The following PTPRH variants were observed in gnomAD, a reference collection of about 807,000 sequenced individuals.
The protein encoded by PTPRH is receptor-type tyrosine-protein phosphatase H.
A neutral mutation model predicts 130.2 loss-of-function variants in PTPRH; 113 were observed. The observed-to-expected ratio is 0.87, with a 90% CI of 0.75 to 1.01. The LOEUF (loss-of-function observed/expected upper bound fraction) is 1.01. Ranked by LOEUF, PTPRH falls within the 50% of genes least tolerant of loss-of-function variation. The pLI, the probability that PTPRH is intolerant of heterozygous loss-of-function variation, is 0.00. For synonymous variants in PTPRH, 556 were observed against 577.9 expected (o/e 0.96, Z 0.54); for missense variants, 1,430 against 1,425.0 (o/e 1.00, Z -0.06).
At chr19:55,183,916 C>G (rs1339648486) in intron 18 of PTPRH, among the ~76,000 whole-genome samples, 1 of 152,142 alleles carries the variant, frequency 6.6e-6, no homozygotes, top group Admixed American at 6.6e-5. Flanking sequence ...GTCTCTGTTG[C>G]TTTGGCTGAT....
chr19:55,205,269 T>A, intron 4 of PTPRH, 57 bp downstream of exon 4: 1 of 1,603,774 alleles, frequency 6.2e-7, no homozygotes. Flanking sequence ...CGCTACGTTC[T>A]CCTGCCTACT....
At chr19:55,203,478 C>T (rs560049338) in intron 5 of PTPRH, among the ~76,000 whole-genome samples, 4 of 151,200 alleles carry the variant, frequency 2.6e-5, no homozygotes, top group Admixed American at 6.6e-5. Context: ...TGCAGCAGTC[C>T]AATCAGAGCT....
intron 13 of PTPRH, 123 bp from the exon 14 acceptor site, chr19:55,187,726 T>A: frequency 2.8e-6 from 2 of 710,180 alleles, no homozygotes; most frequent in South Asian, 3.2e-5. Flanking sequence ...ACCCTGAGAT[T>A]ATATGGCACC....
At position 55,197,492 on chromosome 19, in the gene PTPRH, C is replaced by A. The variant is rs566668830; in HGVS notation, c.1691-76G>T. ...CCCCAGCCTGTCTGCCTCTCCCCCA[C>A]AGCAAAGCTGAGATATCCATTATTG... On this transcript the variant is annotated intron_variant, in intron 8 of 19. Transcript: ENST00000376350. The A allele has an allele frequency of 6.5e-6, 9 of 1,384,356 alleles. No homozygotes were observed. The African/African-American group carries it at 1.3e-4, about 20-fold the overall frequency. The allele number at this position is 1,384,356 out of a possible 1,614,324, so 85.8% of individuals were successfully genotyped here.
intron 10 of PTPRH, among the ~76,000 whole-genome samples, chr19:55,195,974 G>C (rs533047534): frequency 6.6e-6 from 1 of 152,132 alleles, no homozygotes; most frequent in Admixed American, 6.6e-5. Flanking sequence ...GGAGAACTAG[G>C]GGGTGGTGGC....
chr19:55,206,334 T>C (rs564819015), intron 3 of PTPRH, among the ~76,000 whole-genome samples: 2 of 151,766 alleles, frequency 1.3e-5, no homozygotes, highest in South Asian at 4.2e-4. Flanking sequence ...TTTTCTTTTT[T>C]TTTTTTTGAG....
At chr19:55,207,550 G>A (rs1437550886) in intron 1 of PTPRH, among the ~76,000 whole-genome samples, 1 of 152,202 alleles carries the variant, frequency 6.6e-6, no homozygotes, top group African/African-American at 2.4e-5. Context: ...TGGGGATCAG[G>A]AACCTTGGCC....
rs752762523 is a variant in PTPRH, at chr19:55,196,980, T to C, written c.1990+137A>G. The C allele has an allele frequency of 4.4e-4, 541 of 1,240,940 alleles. 1 individual carries two copies. The highest frequency in any genetic ancestry group is 5.8e-4 in the Non-Finnish European group (514 of 893,374). The allele number at this position is 1,240,940 out of a possible 1,614,324, so 76.9% of individuals were successfully genotyped here. On this transcript the variant is annotated intron_variant, in intron 9 of 19. Transcript: ENST00000376350. ...TTTAAACTACAACTCCCATGAGGCCTTGGGCTCCTCCATCACTGCAGCTCA... is the reference window on the plus strand; with the variant it reads ...TTTAAACTACAACTCCCATGAGGCCCTGGGCTCCTCCATCACTGCAGCTCA...
At position 55,205,586 on chromosome 19, in the gene PTPRH, T is replaced by G. The variant is rs1757540814; in HGVS notation, c.359A>C (p.Asn120Thr). The change falls in exon 4 of 20, where the codon AAC becomes ACC. Residue 120 changes from asparagine to threonine, a missense_variant. Coordinates refer to ENST00000376350, the MANE Select transcript of PTPRH (RefSeq NM_002842.5). ...VGTVTTATAP[N>T]PVRNLRVEAQ... Reference sequence around the variant, plus strand: ...CTCCACTCTCAGGTTCCTCACTGGGTTGGGAGCTGAAAACCAGCACAGGAG... The same window carrying G: ...CTCCACTCTCAGGTTCCTCACTGGGGTGGGAGCTGAAAACCAGCACAGGAG... 6.2e-7 allele frequency: 1 copy of G among 1,613,894 alleles called. No homozygotes were observed. Among genetic ancestry groups the G allele is most frequent in the South Asian group, 1.1e-5 (1 of 91,060 alleles).
chr19:55,200,815 T>C (rs966898061), intron 6 of PTPRH, among the ~76,000 whole-genome samples: 14 of 152,064 alleles, frequency 9.2e-5, no homozygotes, highest in South Asian at 2.1e-4. Flanking sequence ...TGGTGGCTGG[T>C]GCCTGTAGTC....
intron 10 of PTPRH, 143 bp from the exon 11 acceptor site, chr19:55,191,884 C>T (rs368777935): frequency 3.7e-5 from 29 of 778,858 alleles, no homozygotes; most frequent in Admixed American, 9.5e-5. Flanking sequence ...TGAATTGCGT[C>T]GGTCCAGTTA....
chr19:55,202,283 G>A lies in PTPRH; in HGVS notation c.926C>T (p.Thr309Ile). The change falls in exon 6 of 20, where the codon ACC (threonine) becomes ATC (isoleucine). Residue 309 changes from threonine (T) to isoleucine (I), a missense_variant. By Grantham distance (89) the Thr-to-Ile change is moderately conservative. Transcript: ENST00000376350. ...CCAGGTCAGGGCGATGGAGCTGTTG[G>A]TCTGAGCCTCCACTGTCAGGTTTCT... is the stretch of plus-strand genomic sequence containing the variant. The part of the protein sequence containing the change: ...PVRNLTVEAQ[T>I]NSSIALTWEV... 1 of 1,614,210 alleles carries A rather than the reference G, an allele frequency of 6.2e-7. No homozygotes were observed. The highest frequency in any genetic ancestry group is 2.2e-5 in the East Asian group (1 of 44,882).
At chr19:55,195,694 C>A (rs1379898232) in intron 10 of PTPRH, among the ~76,000 whole-genome samples, 1 of 152,152 alleles carries the variant, frequency 6.6e-6, no homozygotes. Context: ...CTGACTCAGC[C>A]TCCTGAGTAG....
intron 5 of PTPRH, among the ~76,000 whole-genome samples, chr19:55,203,371 A>C (rs1237511791): frequency 4.1e-5 from 6 of 147,856 alleles, no homozygotes; most frequent in East Asian, 2.0e-4. Context: ...TACATAAAAT[A>C]TCTCATAGTA....
chr19:55,201,293 C>G (rs892972081), intron 6 of PTPRH, among the ~76,000 whole-genome samples: 1 of 152,118 alleles, frequency 6.6e-6, no homozygotes, highest in Non-Finnish European at 1.5e-5. Context: ...CGGCGGATTG[C>G]TTCAGCCCAG....
chr19:55,193,204 G>A (rs189689977), intron 10 of PTPRH, among the ~76,000 whole-genome samples: 1 of 151,524 alleles, frequency 6.6e-6, no homozygotes, highest in Non-Finnish European at 1.5e-5. Context: ...CTCCAGACTG[G>A]GTGATAGAGT....
chr19:55,188,284 G>A (rs552011024), intron 12 of PTPRH, 116 bp from the exon 13 acceptor site: 115 of 766,836 alleles, frequency 1.5e-4, no homozygotes, highest in South Asian at 1.0e-3. Flanking sequence ...AGGCCGAGGC[G>A]GGTGGATCAC....
rs746336084 is a variant in PTPRH, at chr19:55,197,235, C to G, written c.1872G>C (p.Arg624Ser). The G allele has an allele frequency of 1.2e-6, 2 of 1,614,272 alleles. No homozygotes were observed. The highest frequency in any genetic ancestry group is 1.7e-6 in the Non-Finnish European group (2 of 1,180,056). ...CCACTTTGTACCACGTCTCATTGGT[C>G]CTGCTGGTCTGGTTGACCCAATTCG... ...PQANWVNQTSRTNETWYKVEA... is the reference protein window; with the variant it reads ...PQANWVNQTSSTNETWYKVEA... The change falls in exon 9 of 20, where the codon AGG becomes AGC. Residue 624 changes from arginine to serine, a missense_variant. Coordinates refer to ENST00000376350, the MANE Select transcript of PTPRH (RefSeq NM_002842.5).
chr19:55,192,019 G>A (rs1024461340), intron 10 of PTPRH: 1 of 584,742 alleles, frequency 1.7e-6, no homozygotes, highest in Non-Finnish European at 3.2e-6. Context: ...CCTTTATGAT[G>A]ATCTACTTAA....
Sources: gnomAD v4.1 joint callset for allele counts (sites outside exome capture counted in the v4.1 genomes callset) on GRCh38, gnomAD v4.1.1 for gene constraint, MANE v1.5 for transcripts, NCBI Gene and HGNC (gene_info 2026-07-23, HGNC 2026-07-21) for gene names.